The following ATXN7 variants were observed in gnomAD, a reference collection of about 807,000 sequenced individuals.
ATXN7 encodes ataxin-7.
Under a neutral mutation model 70.5 loss-of-function variants are expected in ATXN7, and 12 were observed. The ratio of observed to expected loss-of-function variants is 0.17; its 90% CI spans 0.11 to 0.28. The LOEUF is 0.28. Ranked by LOEUF, ATXN7 falls within the 10% of genes least tolerant of loss-of-function variation. ATXN7 has a pLI of 1.00. For synonymous variants in ATXN7, 498 were observed against 448.7 expected (o/e 1.11, Z -1.39); for missense variants, 1,256 against 1,131.7 (o/e 1.11, Z -1.58).
chr3:63,990,441 C>T lies in ATXN7; in HGVS notation c.1560+67C>T, dbSNP rs139396106. ...GCATGGACAGGGCACTGCAGGGGGG[C>T]GCGCCAGGGATCTTGGCATGCCCGT... On this transcript the variant is annotated intron_variant, in intron 10 of 12. Transcript: ENST00000674280. 4.2e-3 allele frequency: 6,572 copies of T among 1,568,674 alleles called. 27 individuals carry two copies. The highest frequency in any genetic ancestry group is 0.013 in the South Asian group (1,169 of 87,838).
chr3:63,870,390 A>G (rs966797138), intron 1 of ATXN7, among the ~76,000 whole-genome samples: 2 of 152,054 alleles, frequency 1.3e-5, no homozygotes, highest in African/African-American at 4.8e-5. Flanking sequence ...ACCACCCCCA[A>G]CATGTGCACA....
At chr3:63,875,204 C>T (rs1464976253) in intron 1 of ATXN7, among the ~76,000 whole-genome samples, 1 of 152,148 alleles carries the variant, frequency 6.6e-6, no homozygotes, top group Non-Finnish European at 1.5e-5. Flanking sequence ...GATTCTCCCA[C>T]CTCAGCCTCC....
chr3:63,952,368 C>T lies in ATXN7; in HGVS notation c.395-11C>T. ...CAGATGAGTGAGTGATGCTCTGTTT[C>T]TGTGTTGCAGACATGCCAATATTTG... On this transcript the variant is annotated splice_polypyrimidine_tract_variant and intron_variant, in intron 4 of 12. Transcript: ENST00000674280. The T allele has an allele frequency of 6.3e-7, 1 of 1,595,576 alleles. No homozygotes were observed. The highest frequency in any genetic ancestry group is 8.6e-7 in the Non-Finnish European group (1 of 1,169,486).
At chr3:63,991,232 C>T (rs557573396) in intron 11 of ATXN7, among the ~76,000 whole-genome samples, 72 of 152,110 alleles carry the variant, frequency 4.7e-4, no homozygotes, top group African/African-American at 1.7e-3. Context: ...CACCAAACAA[C>T]TTAAATATAC....
In ATXN7 at chr3:63,970,519, T is replaced by C. The variant is rs2075293725; in HGVS notation, c.500-9396T>C. ...TTTTCAATAAAATATTTGGATTTTT[T>C]TTAAAGCCCTTTTACAAATGTTTGC... On this transcript the variant is annotated intron_variant, in intron 5 of 12. Coordinates refer to ENST00000674280, the MANE Select transcript of ATXN7 (RefSeq NM_001377405.1). Among the ~76,000 whole-genome samples, 3 of 152,352 alleles carry C rather than the reference T, an allele frequency of 2.0e-5. No homozygotes were observed. The East Asian group carries it at 5.8e-4, about 29-fold the overall frequency.
At chr3:63,871,760 G>A (rs1482198453) in intron 1 of ATXN7, among the ~76,000 whole-genome samples, 4 of 152,002 alleles carry the variant, frequency 2.6e-5, no homozygotes, top group Admixed American at 6.6e-5. Flanking sequence ...AATGCCAGGA[G>A]CAAGAATTGT....
rs1559629167 is a variant in ATXN7, at chr3:63,912,711, A to AGCAGCAGCAGCC, written c.118_119insAGCAGCCGCAGC (p.Gln39_Pro40insGlnGlnProGln). ...CAGCAGCAGCAGCAGCAGCAGCAGC[A>AGCAGCAGCAGCC]GCAGCCGCCGCCTCCGCAGCCCCAG... On this transcript the variant is annotated inframe_insertion, in exon 3 of 13. Transcript: ENST00000674280. 1.3e-5 allele frequency: 16 copies of AGCAGCAGCAGCC among 1,207,010 alleles called. No homozygotes were observed. Among genetic ancestry groups the AGCAGCAGCAGCC allele is most frequent in the Admixed American group, 7.7e-5 (2 of 26,122 alleles). 74.8% of individuals were successfully genotyped at this position (1,207,010 alleles called of 1,614,324 possible). A position where few individuals can be genotyped will look rare whatever the true frequency, so the allele number is the denominator to read the frequency against.
chr3:63,997,849 T>C, intron 12 of ATXN7: 3 of 985,314 alleles, frequency 3.0e-6, no homozygotes, highest in Non-Finnish European at 3.6e-6. Flanking sequence ...TAACACCCAT[T>C]GCCAAAGGTA....
chr3:63,875,268 T>C (rs1575834910), intron 1 of ATXN7, among the ~76,000 whole-genome samples: 1 of 152,236 alleles, frequency 6.6e-6, no homozygotes, highest in Non-Finnish European at 1.5e-5. Context: ...TTTTTTGTGT[T>C]TTTTGAATAG....
chr3:63,872,310 A>C (rs181304426), intron 1 of ATXN7, among the ~76,000 whole-genome samples: 2 of 152,228 alleles, frequency 1.3e-5, no homozygotes, highest in Non-Finnish European at 2.9e-5. Context: ...GGCTTAAAAC[A>C]CATACCATTT....
chr3:63,996,247 C>T lies in ATXN7; in HGVS notation c.2425C>T (p.His809Tyr). Residue 809 changes from histidine (H) to tyrosine (Y), a missense_variant, in exon 12 of 13, where the codon CAC (histidine) becomes TAC (tyrosine). Transcript: ENST00000674280. ...TACTCTTTCTCTTGGGCCATTCATTCACCAGTCCAATGAACTGCCTGTCAA... is the reference window on the plus strand; with the variant it reads ...TACTCTTTCTCTTGGGCCATTCATTTACCAGTCCAATGAACTGCCTGTCAA... Reference protein sequence around the residue: ...DSTLSLGPFIHQSNELPVNSH... With the variant: ...DSTLSLGPFIYQSNELPVNSH... The T allele has an allele frequency of 1.2e-6, 2 of 1,614,164 alleles. No individual in the cohort carries two copies. Among genetic ancestry groups the T allele is most frequent in the Non-Finnish European group, 1.7e-6 (2 of 1,180,020 alleles).
chr3:63,965,250 C>G (rs953029455), intron 5 of ATXN7, among the ~76,000 whole-genome samples: 1 of 152,132 alleles, frequency 6.6e-6, no homozygotes, highest in Non-Finnish European at 1.5e-5. Context: ...GTTGCATTAC[C>G]TGCATTATCT....
In ATXN7 at chr3:63,995,588, G is replaced by T. The variant is rs753106705; in HGVS notation, c.1766G>T (p.Cys589Phe). 58 of 1,614,040 alleles carry T rather than the reference G, an allele frequency of 3.6e-5. No individual in the cohort carries two copies. The highest frequency in any genetic ancestry group is 4.7e-5 in the Non-Finnish European group (56 of 1,180,052). The stretch of plus-strand genomic sequence containing the variant: ...ACAAACTCTGTGCCGACATCACAAT[G>T]TGGAGTCAGCTATCTGGCAGCAGCC... ...HRTNSVPTSQ[C>F]GVSYLAAATV... The change falls in exon 12 of 13, where the codon TGT (cysteine) becomes TTT (phenylalanine). Residue 589 changes from cysteine to phenylalanine, a missense_variant. Physicochemically the swap from Cys to Phe is radical, Grantham distance 205. Transcript: ENST00000674280.
intron 1 of ATXN7, among the ~76,000 whole-genome samples, chr3:63,883,464 T>G (rs1294366887): frequency 1.3e-5 from 2 of 152,182 alleles, no homozygotes. Flanking sequence ...ATCTGTTCAC[T>G]TCCCACTAGG....
At chr3:63,996,667 C>T in intron 12 of ATXN7, 184 bp downstream of exon 12, 1 of 709,828 alleles carries the variant, frequency 1.4e-6, no homozygotes, top group Non-Finnish European at 2.1e-6. Context: ...GAAGGTAAAA[C>T]AGGCTCTTCT....
chr3:63,895,063 C>A (rs1056857928), intron 1 of ATXN7, among the ~76,000 whole-genome samples: 11 of 152,248 alleles, frequency 7.2e-5, no homozygotes, highest in Admixed American at 3.9e-4. Context: ...CCCTGTTATG[C>A]CCTCTCCAAG....
At chr3:63,912,489 C>A in intron 2 of ATXN7, 99 bp from the exon 3 acceptor site, 1 of 799,010 alleles carries the variant, frequency 1.3e-6, no homozygotes, top group Non-Finnish European at 1.5e-6. Context: ...GCGTGCCCCA[C>A]CCGGTCCGCG....
At chr3:63,975,307 A>G (rs2075374058) in intron 5 of ATXN7, among the ~76,000 whole-genome samples, 1 of 152,208 alleles carries the variant, frequency 6.6e-6, no homozygotes, top group African/African-American at 2.4e-5. Flanking sequence ...TGGCATGTGT[A>G]AAATTGAAAC....
chr3:63,957,109 G>A (rs1436745058), intron 5 of ATXN7, among the ~76,000 whole-genome samples: 2 of 152,202 alleles, frequency 1.3e-5, no homozygotes, highest in Non-Finnish European at 1.5e-5. Context: ...TATACTGAGA[G>A]CTTCCCAGGA....
Sources: allele counts gnomAD v4.1 joint callset (sites outside exome capture counted in the v4.1 genomes callset), GRCh38; gene constraint gnomAD v4.1.1; transcripts MANE v1.5; gene names NCBI Gene and HGNC (gene_info 2026-07-23, HGNC 2026-07-21).